Variants in EIF3E observed in about 807,000 individuals in gnomAD.
EIF3E encodes the protein eIF-3 p48.
EIF3E carries 25 observed loss-of-function variants against 59.3 expected under a neutral mutation model. The ratio of observed to expected loss-of-function variants is 0.42; its 90% CI spans 0.31 to 0.59. The LOEUF is 0.59. Ranked by LOEUF, EIF3E falls within the 20% of genes least tolerant of loss-of-function variation. The pLI is 0.15. For synonymous variants in EIF3E, 176 were observed against 170.2 expected (o/e 1.03, Z -0.26); for missense variants, 317 against 534.3 (o/e 0.59, Z 4.01).
chr8:108,243,304 G>GT (rs1446514783), intron 1 of EIF3E: 1 of 152,262 alleles, frequency 6.6e-6, no homozygotes, highest in Non-Finnish European at 1.5e-5. Context: ...TTTAGGGGGT[G>GT]TGAGTAGTGA....
At position 108,202,593 on chromosome 8, in the gene EIF3E, C is replaced by T. The variant is rs1210319067; in HGVS notation, c.1299+390G>A. Reference sequence around the variant, plus strand: ...GCACTAATACATATAATAAGATCAACATTTTTACAGAATTATTTCTTTAGA... The same window carrying T: ...GCACTAATACATATAATAAGATCAATATTTTTACAGAATTATTTCTTTAGA... On this transcript the variant is annotated intron_variant, in intron 12 of 12. Coordinates refer to ENST00000220849, the MANE Select transcript of EIF3E (RefSeq NM_001568.3). 4.6e-5 allele frequency among the ~76,000 whole-genome samples: 7 copies of T among 152,078 alleles called. 1 individual carries two copies. In the South Asian group the frequency reaches 8.3e-4, roughly 18 times the overall value.
intron 3 of EIF3E, among the ~76,000 whole-genome samples, chr8:108,237,849 G>T (rs991223740): frequency 2.0e-5 from 3 of 152,178 alleles, no homozygotes; most frequent in African/African-American, 7.2e-5. Context: ...CCGGGAAAGT[G>T]TAAGTACGAT....
At chr8:108,230,851 A>C (rs1177830162) in intron 5 of EIF3E, among the ~76,000 whole-genome samples, 1 of 152,202 alleles carries the variant, frequency 6.6e-6, no homozygotes, top group Non-Finnish European at 1.5e-5. Context: ...ATAGAAACTA[A>C]CTTCTGATAC....
chr8:108,217,600 C>A, intron 7 of EIF3E, 140 bp from the exon 8 acceptor site: 1 of 625,740 alleles, frequency 1.6e-6, no homozygotes, highest in South Asian at 3.3e-5. Context: ...AAAATCTCCT[C>A]CAAGGAAATT....
At chr8:108,228,758 T>C (rs567337460) in intron 6 of EIF3E, among the ~76,000 whole-genome samples, 40 of 152,298 alleles carry the variant, frequency 2.6e-4, no homozygotes, top group African/African-American at 9.4e-4. Context: ...GTCTTCTGCA[T>C]AGGACTTTCA....
At chr8:108,221,806 G>A (rs609197) in intron 7 of EIF3E, among the ~76,000 whole-genome samples, 74,973 of 149,638 alleles carry the variant, frequency 0.5, 18,678 homozygotes, top group African/African-American at 0.58. Context: ...ACACACACAC[G>A]CACACACACA....
At chr8:108,214,811 CA>C in intron 9 of EIF3E, 95 bp from the exon 10 acceptor site, 1 of 1,110,188 alleles carries the variant, frequency 9.0e-7, no homozygotes, top group Non-Finnish European at 1.3e-6. Flanking sequence ...TTCCATTCTA[CA>C]ATCATGAGTT....
At chr8:108,245,989 AC>A (rs1197435546) in intron 1 of EIF3E, among the ~76,000 whole-genome samples, 1 of 152,176 alleles carries the variant, frequency 6.6e-6, no homozygotes, top group African/African-American at 2.4e-5. Flanking sequence ...TCCTATATTT[AC>A]TGTTTTTTTC....
At chr8:108,216,604 T>C in intron 8 of EIF3E, 91 bp from the exon 9 acceptor site, 1 of 874,638 alleles carries the variant, frequency 1.1e-6, no homozygotes. Context: ...GTTTTCTCCT[T>C]CTTTACCATT....
At chr8:108,205,039 G>A (rs556415523) in intron 10 of EIF3E, among the ~76,000 whole-genome samples, 1 of 152,132 alleles carries the variant, frequency 6.6e-6, no homozygotes, top group South Asian at 2.1e-4. Context: ...AAATATTTAA[G>A]AGTATGTAGT....
At chr8:108,214,817 T>C (rs1247038981) in intron 9 of EIF3E, 101 bp from the exon 10 acceptor site, 2 of 1,033,274 alleles carry the variant, frequency 1.9e-6, no homozygotes, top group East Asian at 2.5e-5. Context: ...TCTACAATCA[T>C]GAGTTTTATA....
intron 10 of EIF3E, among the ~76,000 whole-genome samples, chr8:108,214,242 G>C (rs1325829599): frequency 6.6e-6 from 1 of 152,132 alleles, no homozygotes; most frequent in African/African-American, 2.4e-5. Context: ...TCTTTCAACA[G>C]AATTTCCAAT....
Position 108,228,523 on chromosome 8 carries a change from T to G in EIF3E, c.598-132A>C, listed in dbSNP as rs542305918. 2.3e-4 allele frequency: 142 copies of G among 608,488 alleles called. No homozygotes were observed. The African/African-American group carries it at 2.5e-3, about 11-fold the overall frequency. The allele number at this position is 608,488 out of a possible 1,614,324, so 37.7% of individuals were successfully genotyped here. ...AAGGCATGCACGGAGGTCATTATGA[T>G]CAATGTCCGACCCCCTATGCCTTCT... On this transcript the variant is annotated intron_variant, in intron 6 of 12. Transcript: ENST00000220849.
chr8:108,229,698 G>A (rs1211295764), intron 5 of EIF3E, among the ~76,000 whole-genome samples: 1 of 152,036 alleles, frequency 6.6e-6, no homozygotes, highest in African/African-American at 2.4e-5. Flanking sequence ...GAAAAAAGCA[G>A]GCCCACTGAT....
intron 2 of EIF3E, 128 bp from the exon 3 acceptor site, chr8:108,240,203 C>T: frequency 1.3e-6 from 1 of 778,004 alleles, no homozygotes; most frequent in Non-Finnish European, 2.3e-6. Context: ...CCAATATATT[C>T]ATATGCCATG....
intron 8 of EIF3E, 57 bp from the exon 9 acceptor site, chr8:108,216,570 GCC>G: frequency 8.5e-7 from 1 of 1,178,122 alleles, no homozygotes; most frequent in Non-Finnish European, 1.2e-6. Flanking sequence ...TTAGCAGATT[GCC>G]CCAGAATATC....
rs187825004 is a variant in EIF3E at position 108,203,192 on chromosome 8, T to C, written c.1165-75A>G. On this transcript the variant is annotated intron_variant, in intron 11 of 12. Coordinates refer to ENST00000220849, the MANE Select transcript of EIF3E (RefSeq NM_001568.3). The stretch of plus-strand genomic sequence containing the variant: ...TCTCAGGTAAGTAAAAAGCATGACA[T>C]ACCTTTGCGCATATTTTAATGCACT... 73 of 1,534,042 alleles carry C rather than the reference T, an allele frequency of 4.8e-5. 1 individual carries two copies. The highest frequency in any genetic ancestry group is 5.8e-5 in the Admixed American group (3 of 51,884).
chr8:108,230,638 A>T (rs1815605736), intron 5 of EIF3E, among the ~76,000 whole-genome samples: 1 of 152,124 alleles, frequency 6.6e-6, no homozygotes, highest in Non-Finnish European at 1.5e-5. Flanking sequence ...CAGGGAGTAG[A>T]TGTGTAAATT....
chr8:108,224,759 T>A (rs1815487835), intron 7 of EIF3E, among the ~76,000 whole-genome samples: 1 of 151,490 alleles, frequency 6.6e-6, no homozygotes, highest in African/African-American at 2.5e-5. Context: ...CTTGTGATGG[T>A]TATATCACTC....
Sources: allele counts gnomAD v4.1 joint callset (sites outside exome capture counted in the v4.1 genomes callset), GRCh38; gene constraint gnomAD v4.1.1; transcripts MANE v1.5; gene names NCBI Gene and HGNC (gene_info 2026-07-23, HGNC 2026-07-21).